Variants in FSIP1 observed in about 807,000 individuals in gnomAD.
FSIP1 encodes fibrous sheath-interacting protein 1.
Under a neutral mutation model 60.9 loss-of-function variants are expected in FSIP1, and 65 were observed. The ratio of observed to expected loss-of-function variants is 1.07; its 90% CI spans 0.87 to 1.31. The LOEUF (loss-of-function observed/expected upper bound fraction) is 1.31. Ranked by LOEUF, FSIP1 falls within the 40% of genes most tolerant of loss-of-function variation. FSIP1 has a pLI of 0.00. For missense variants in FSIP1, 675 were observed against 665.5 expected (o/e 1.01, Z -0.16); for synonymous variants, 209 against 221.2 (o/e 0.94, Z 0.49).
intron 10 of FSIP1, among the ~76,000 whole-genome samples, chr15:39,637,004 A>C (rs1157079559): frequency 6.6e-6 from 1 of 152,164 alleles, no homozygotes; most frequent in East Asian, 1.9e-4. Flanking sequence ...GTTGCATGGA[A>C]GTCCCTGCTT....
At chr15:39,718,942 G>T (rs1672394145) in intron 9 of FSIP1, among the ~76,000 whole-genome samples, 1 of 152,138 alleles carries the variant, frequency 6.6e-6, no homozygotes, top group South Asian at 2.1e-4. Flanking sequence ...TCCTCTTTCT[G>T]GGTCTCAGTT....
intron 10 of FSIP1, among the ~76,000 whole-genome samples, chr15:39,672,707 G>A (rs530921162): frequency 5.3e-5 from 8 of 152,212 alleles, no homozygotes; most frequent in South Asian, 2.1e-4. Flanking sequence ...GATAACTCAC[G>A]GTAGTTATTA....
chr15:39,624,251 T>C (rs1043663774), intron 10 of FSIP1, among the ~76,000 whole-genome samples: 1 of 152,176 alleles, frequency 6.6e-6, no homozygotes, highest in African/African-American at 2.4e-5. Flanking sequence ...TACTATGAAG[T>C]ACGTAACCAT....
intron 10 of FSIP1, among the ~76,000 whole-genome samples, chr15:39,650,494 T>C (rs1892820828): frequency 6.6e-6 from 1 of 152,228 alleles, no homozygotes; most frequent in Non-Finnish European, 1.5e-5. Context: ...CAAAAAATAC[T>C]GTCTCAACCC....
intron 11 of FSIP1, among the ~76,000 whole-genome samples, chr15:39,610,399 C>T (rs1244584127): frequency 7.9e-5 from 12 of 152,226 alleles, no homozygotes; most frequent in Admixed American, 2.6e-4. Context: ...AAAACAAAGA[C>T]GGTCAGGCGC....
intron 10 of FSIP1, among the ~76,000 whole-genome samples, chr15:39,645,310 G>T (rs1166954950): frequency 6.6e-6 from 1 of 152,216 alleles, no homozygotes; most frequent in Non-Finnish European, 1.5e-5. Flanking sequence ...CGTGGCTGGG[G>T]CTGCACACTC....
rs975635531 is a variant in FSIP1, at chr15:39,782,759, CCT to C, written c.-141_-140del. On this transcript the variant is annotated 5_prime_UTR_variant, in exon 1 of 12. Coordinates refer to ENST00000350221, the MANE Select transcript of FSIP1 (RefSeq NM_152597.5). ...AGAGGGGTCTCTCCCGCCACCTCAG[CCT>C]CTCTGGTAGTGGAAGAAGCCGCCGG... 1.3e-5 allele frequency: 2 copies of C among 152,424 alleles called. No individual in the cohort carries two copies. The highest frequency in any genetic ancestry group is 4.8e-5 in the African/African-American group (2 of 41,444). 9.4% of individuals were successfully genotyped at this position (152,424 alleles called of 1,614,324 possible).
intron 10 of FSIP1, among the ~76,000 whole-genome samples, chr15:39,687,636 T>C (rs1376201208): frequency 6.6e-6 from 1 of 152,232 alleles, no homozygotes; most frequent in East Asian, 1.9e-4. Flanking sequence ...CATGAGGGCC[T>C]CCTCTACCAA....
chr15:39,641,190 A>T (rs1030495753), intron 10 of FSIP1, among the ~76,000 whole-genome samples: 6 of 152,222 alleles, frequency 3.9e-5, no homozygotes, highest in Admixed American at 2.0e-4. Context: ...CACATTACAA[A>T]TACAAAATTT....
chr15:39,698,212 TTAA>T (rs895984219), intron 10 of FSIP1, among the ~76,000 whole-genome samples: 2 of 148,886 alleles, frequency 1.3e-5, no homozygotes, highest in African/African-American at 4.9e-5. Context: ...TAATATACAA[TTAA>T]TAATGTTTAT....
chr15:39,713,671 C>T lies in FSIP1; in HGVS notation c.1051-90G>A, dbSNP rs1595650357. On this transcript the variant is annotated intron_variant, in intron 9 of 11. Coordinates refer to ENST00000350221, the MANE Select transcript of FSIP1 (RefSeq NM_152597.5). The stretch of plus-strand genomic sequence containing the variant: ...AAAGCAACTGAGCCTTGAGGGTTAG[C>T]TTTGCTTCTCAAACAATTATTTCTT... 5.1e-6 allele frequency: 6 copies of T among 1,179,756 alleles called. No homozygotes were observed. The East Asian group carries it at 1.5e-4, about 29-fold the overall frequency. The allele number at this position is 1,179,756 out of a possible 1,614,324, so 73.1% of individuals were successfully genotyped here.
intron 10 of FSIP1, among the ~76,000 whole-genome samples, chr15:39,636,421 C>T (rs7167184): frequency 0.19 from 29,437 of 152,092 alleles, 3,617 homozygotes; most frequent in African/African-American, 0.33. Context: ...TCATTGGTGT[C>T]TTGAGGCATT....
intron 10 of FSIP1, among the ~76,000 whole-genome samples, chr15:39,691,971 T>C (rs531073613): frequency 4.1e-4 from 62 of 152,340 alleles, no homozygotes; most frequent in African/African-American, 1.5e-3. Flanking sequence ...TTTCCTGTTT[T>C]GTGCTGTCAG....
intron 3 of FSIP1, among the ~76,000 whole-genome samples, chr15:39,766,993 T>C (rs1897712986): frequency 6.6e-6 from 1 of 152,106 alleles, no homozygotes; most frequent in African/African-American, 2.4e-5. Flanking sequence ...TACAGGTGCA[T>C]GTCACCATAC....
chr15:39,699,961 C>G (rs894560078), intron 10 of FSIP1, among the ~76,000 whole-genome samples: 5 of 152,228 alleles, frequency 3.3e-5, no homozygotes, highest in African/African-American at 1.2e-4. Context: ...ATGCCAGGCC[C>G]TCAGCTGGGA....
chr15:39,722,720 C>G (rs921405590), intron 9 of FSIP1, among the ~76,000 whole-genome samples: 15 of 152,024 alleles, frequency 9.9e-5, no homozygotes, highest in Admixed American at 5.9e-4. Flanking sequence ...CTCTTGAGGC[C>G]AGGAGTTCAA....
chr15:39,635,441 T>C (rs181881180), intron 10 of FSIP1, among the ~76,000 whole-genome samples: 3 of 152,202 alleles, frequency 2.0e-5, no homozygotes, highest in Non-Finnish European at 4.4e-5. Flanking sequence ...GTTCCAGTAA[T>C]CTCTCCATAT....
chr15:39,758,138 T>C (rs2140687576), intron 5 of FSIP1, among the ~76,000 whole-genome samples: 1 of 152,082 alleles, frequency 6.6e-6, no homozygotes, highest in Middle Eastern at 3.4e-3. Flanking sequence ...ACTCCAGAAA[T>C]ACAATGTGAG....
intron 10 of FSIP1, among the ~76,000 whole-genome samples, chr15:39,653,037 G>T (rs540127427): frequency 6.6e-6 from 1 of 151,874 alleles, no homozygotes; most frequent in Non-Finnish European, 1.5e-5. Flanking sequence ...TTACTCAGGC[G>T]TGGTGGTGTG....
Sources: gnomAD v4.1 joint callset for allele counts (sites outside exome capture counted in the v4.1 genomes callset) on GRCh38, gnomAD v4.1.1 for gene constraint, MANE v1.5 for transcripts, NCBI Gene and HGNC (gene_info 2026-07-23, HGNC 2026-07-21) for gene names.